The following ARB2A variants were observed in gnomAD, a reference collection of about 807,000 sequenced individuals.
The protein encoded by ARB2A is cotranscriptional regulator ARB2A.
At chr5:93,705,609 A>ATGTGTGTGTGTGTG in the ARB2A span, among the ~76,000 whole-genome samples, 593 of 128,648 alleles carry the variant, frequency 4.6e-3, 2 homozygotes, top group Middle Eastern at 0.016. Context: ...TTGGGAAAAA[A>ATGTGTGTGTGTGTG]TGTGTGTGTG....
the ARB2A span, among the ~76,000 whole-genome samples, chr5:93,917,480 G>A: frequency 6.6e-6 from 1 of 151,918 alleles, no homozygotes; most frequent in South Asian, 2.1e-4. Flanking sequence ...CTCATATAAT[G>A]TTTTGCTTCA....
the ARB2A span, among the ~76,000 whole-genome samples, chr5:93,830,326 TATATATATATATATATATATATATATC>T: frequency 3.6e-5 from 5 of 137,744 alleles, no homozygotes; most frequent in African/African-American, 1.4e-4. Context: ...TATATATATA[TATATATATATATATATATATATATATC>T]CACACACAAT....
At chr5:93,741,700 G>A in the ARB2A span, 3 of 1,004,352 alleles carry the variant, frequency 3.0e-6, no homozygotes, top group South Asian at 1.8e-5. Context: ...GTGCGTAGGC[G>A]GGGAAATCTG....
At chr5:94,057,344 T>C in the ARB2A span, among the ~76,000 whole-genome samples, 1 of 152,128 alleles carries the variant, frequency 6.6e-6, no homozygotes, top group African/African-American at 2.4e-5. Flanking sequence ...ATCAAACTTA[T>C]AGAGACAGAA....
the ARB2A span, among the ~76,000 whole-genome samples, chr5:93,803,506 G>A: frequency 7.0e-6 from 1 of 142,652 alleles, no homozygotes; most frequent in Non-Finnish European, 1.5e-5. Context: ...TGTAAGATGA[G>A]AACACATGAA....
the ARB2A span, among the ~76,000 whole-genome samples, chr5:93,950,794 A>C: frequency 6.6e-6 from 1 of 151,536 alleles, no homozygotes; most frequent in Non-Finnish European, 1.5e-5. Flanking sequence ...AATACAAAAA[A>C]TTAGCCCAGC....
the ARB2A span, among the ~76,000 whole-genome samples, chr5:94,057,960 G>A: frequency 2.0e-5 from 3 of 152,120 alleles, no homozygotes; most frequent in Non-Finnish European, 4.4e-5. Flanking sequence ...TTTAGAAAGA[G>A]AGACTGCTGG....
At chr5:93,886,220 TAAATAAA>T in the ARB2A span, among the ~76,000 whole-genome samples, 1 of 151,676 alleles carries the variant, frequency 6.6e-6, no homozygotes, top group Admixed American at 6.6e-5. Flanking sequence ...TTTGGTTGGC[TAAATAAA>T]AAATCAGCTG....
At chr5:93,947,511 T>TTTTA in the ARB2A span, among the ~76,000 whole-genome samples, 5 of 150,216 alleles carry the variant, frequency 3.3e-5, no homozygotes, top group Non-Finnish European at 7.4e-5. Context: ...GTATCTTCTT[T>TTTTA]TTATTATTAT....
chr5:93,764,497 AG>A, the ARB2A span, among the ~76,000 whole-genome samples: 1 of 152,368 alleles, frequency 6.6e-6, no homozygotes, highest in South Asian at 2.1e-4. Flanking sequence ...AGAATAAACC[AG>A]GAAGAAGTTG....
chr5:93,922,548 G>T, the ARB2A span, among the ~76,000 whole-genome samples: 1 of 143,950 alleles, frequency 6.9e-6, no homozygotes, highest in African/African-American at 2.6e-5. Flanking sequence ...GATGGCGGGT[G>T]CCTGTAATCC....
chr5:93,799,065 G>C, the ARB2A span, among the ~76,000 whole-genome samples: 1 of 152,026 alleles, frequency 6.6e-6, no homozygotes, highest in African/African-American at 2.4e-5. Context: ...ATTCATCTTT[G>C]TCAGAAATTA....
At chr5:94,100,429 A>C in the ARB2A span, among the ~76,000 whole-genome samples, 1 of 152,216 alleles carries the variant, frequency 6.6e-6, no homozygotes, top group East Asian at 1.9e-4. Flanking sequence ...ACAGAACTAG[A>C]AAAAATTATT....
chr5:93,639,227 A>G, the ARB2A span, among the ~76,000 whole-genome samples: 2 of 152,244 alleles, frequency 1.3e-5, no homozygotes, highest in Non-Finnish European at 2.9e-5. Context: ...ACTACTGGTC[A>G]TGAAAGTTCC....
the ARB2A span, among the ~76,000 whole-genome samples, chr5:93,787,741 G>C: frequency 1.3e-5 from 2 of 152,102 alleles, no homozygotes; most frequent in Non-Finnish European, 2.9e-5. Flanking sequence ...CATATATACA[G>C]CATTTCATTC....
the ARB2A span, among the ~76,000 whole-genome samples, chr5:93,872,996 C>T: frequency 2.0e-5 from 3 of 151,986 alleles, no homozygotes; most frequent in Non-Finnish European, 2.9e-5. Flanking sequence ...TGTCAGCACA[C>T]TTCAGTATAA....
chr5:93,734,088 G>A, the ARB2A span: 1 of 152,084 alleles, frequency 6.6e-6, no homozygotes, highest in African/African-American at 2.4e-5. Flanking sequence ...TTTGAAATAA[G>A]GGCAGGTATC....
At chr5:93,949,633 A>C in the ARB2A span, among the ~76,000 whole-genome samples, 14 of 152,060 alleles carry the variant, frequency 9.2e-5, no homozygotes, top group Non-Finnish European at 1.8e-4. Flanking sequence ...TCAAGCATTT[A>C]TCCTGTGTGT....
the ARB2A span, among the ~76,000 whole-genome samples, chr5:94,089,924 A>G: frequency 6.6e-6 from 1 of 152,196 alleles, no homozygotes; most frequent in Non-Finnish European, 1.5e-5. Flanking sequence ...TTACACAATC[A>G]TTATTTTGGA....
Sources: allele counts gnomAD v4.1 joint callset (sites outside exome capture counted in the v4.1 genomes callset), GRCh38; gene constraint gnomAD v4.1.1; transcripts MANE v1.5; gene names NCBI Gene and HGNC (gene_info 2026-07-23, HGNC 2026-07-21).